The following PISD variants were observed in gnomAD, a reference collection of about 807,000 sequenced individuals.
The protein encoded by PISD is phosphatidylserine decarboxylase, also known as phosphatidylserine decarboxylase proenzyme, mitochondrial.
Under a neutral mutation model 43.5 loss-of-function variants are expected in PISD, and 31 were observed. The observed-to-expected ratio is 0.71, with a 90% CI of 0.54 to 0.96. PISD has a LOEUF of 0.96. Ranked by LOEUF, PISD falls within the 40% of genes least tolerant of loss-of-function variation. The pLI is 0.00. For synonymous variants in PISD, 259 were observed against 228.7 expected (o/e 1.13, Z -1.20); for missense variants, 523 against 548.4 (o/e 0.95, Z 0.46).
At chr22:31,628,446 AATG>A (rs1334020613) in intron 3 of PISD, among the ~76,000 whole-genome samples, 2 of 152,178 alleles carry the variant, frequency 1.3e-5, no homozygotes, top group African/African-American at 2.4e-5. Context: ...GGGTATCCAG[AATG>A]GAGGAAGCAC....
intron 2 of PISD, among the ~76,000 whole-genome samples, chr22:31,648,975 G>C (rs1482233069): frequency 6.6e-6 from 1 of 152,154 alleles, no homozygotes; most frequent in Non-Finnish European, 1.5e-5. Context: ...CTTTGATCTT[G>C]CTTTTATAAT....
intron 3 of PISD, among the ~76,000 whole-genome samples, chr22:31,646,498 C>T (rs2073891542): frequency 6.6e-6 from 1 of 152,172 alleles, no homozygotes; most frequent in Non-Finnish European, 1.5e-5. Flanking sequence ...TAAAAAACTA[C>T]TGGCGTTGGT....
intron 3 of PISD, among the ~76,000 whole-genome samples, chr22:31,633,365 C>G (rs111697884): frequency 0.011 from 1,747 of 152,342 alleles, 27 homozygotes; most frequent in South Asian, 0.043. Flanking sequence ...GGCTGCACTG[C>G]ATCCACTGGC....
At chr22:31,639,060 C>G (rs2073610861) in intron 3 of PISD, among the ~76,000 whole-genome samples, 1 of 150,914 alleles carries the variant, frequency 6.6e-6, no homozygotes, top group South Asian at 2.1e-4. Flanking sequence ...GTGGCATGAT[C>G]TCAGCTCACT....
Position 31,621,371 on chromosome 22 carries a change from G to C in PISD, c.660C>G (p.Gly220=), listed in dbSNP as rs754866362. ...GCAGGTCCTCTGTGCACATACGCGGGCCCAGGAACGACTCCAGGGAGTAGG... is the reference window on the plus strand; with the variant it reads ...GCAGGTCCTCTGTGCACATACGCGGCCCCAGGAACGACTCCAGGGAGTAGG... ...GVTYSLESFL[G]PRMCTEDLPF... is the part of the protein sequence containing the mutation. The change falls in exon 5 of 8, where the codon GGC becomes GGG. Residue 220 remains glycine, a synonymous_variant. Coordinates refer to ENST00000439502, the MANE Select transcript of PISD (RefSeq NM_001326411.2). 3 of 1,613,968 alleles carry C rather than the reference G, an allele frequency of 1.9e-6. No homozygotes were observed. The highest frequency in any genetic ancestry group is 2.5e-6 in the Non-Finnish European group (3 of 1,180,016).
intron 1 of PISD, among the ~76,000 whole-genome samples, chr22:31,655,573 C>G (rs537043719): frequency 6.6e-6 from 1 of 152,240 alleles, no homozygotes; most frequent in African/African-American, 2.4e-5. Context: ...CCCACCTCAG[C>G]CTCCCAAAGT....
At chr22:31,638,426 C>G in intron 3 of PISD, 1 of 979,664 alleles carries the variant, frequency 1.0e-6, no homozygotes, top group Non-Finnish European at 1.2e-6. Context: ...TGTGGAGGGG[C>G]GAGGAAGGGG....
intron 1 of PISD, among the ~76,000 whole-genome samples, chr22:31,657,779 C>T (rs189104146): frequency 5.9e-5 from 9 of 152,288 alleles, no homozygotes; most frequent in Non-Finnish European, 1.3e-4. Flanking sequence ...CCTGGGCCTC[C>T]AAAGTGCTGG....
At chr22:31,637,162 AAAATATATATATATATATATAT>A (rs1160702996) in intron 3 of PISD, among the ~76,000 whole-genome samples, 567 of 15,480 alleles carry the variant, frequency 0.037, 48 homozygotes, top group East Asian at 0.24. Context: ...AAAAAAAAAA[AAAATATATATATATATATATAT>A]ATATATATAT....
rs756778732 is a variant in PISD at position 31,625,827 on chromosome 22, G to A, written c.322-3942C>T. The A allele has an allele frequency of 1.9e-5, 30 of 1,596,104 alleles. No individual in the cohort carries two copies. The South Asian group carries it at 3.4e-4, about 18-fold the overall frequency. ...GACTGACACATCATGGGCCGGCGCAGGGAGGGCGGGGCGAGGCTCACTCGA... is the reference window on the plus strand; with the variant it reads ...GACTGACACATCATGGGCCGGCGCAAGGAGGGCGGGGCGAGGCTCACTCGA... On this transcript the variant is annotated intron_variant, in intron 3 of 7. Transcript: ENST00000439502.
rs1196471596 is a variant in PISD, at chr22:31,630,763, G to A, written c.322-8878C>T. ...GGGCGCCTCCCTGAGAAGTCACCTG[G>A]GGCTCCCGGCAGGGCCGGGGCGCCG... On this transcript the variant is annotated intron_variant, in intron 3 of 7. Coordinates refer to ENST00000439502, the MANE Select transcript of PISD (RefSeq NM_001326411.2). This position sits in a 1 kb window ranked among gnomAD's most constrained non-coding sequence, Gnocchi z 4.4. 3 of 985,480 alleles carry A rather than the reference G, an allele frequency of 3.0e-6. No homozygotes were observed. The highest frequency in any genetic ancestry group is 3.6e-6 in the Non-Finnish European group (3 of 830,084). The allele number at this position is 985,480 out of a possible 1,614,324, so 61.0% of individuals were successfully genotyped here.
At chr22:31,659,480 T>C (rs919339954) in intron 1 of PISD, among the ~76,000 whole-genome samples, 1 of 152,166 alleles carries the variant, frequency 6.6e-6, no homozygotes, top group Non-Finnish European at 1.5e-5. Flanking sequence ...ACTTCCTAGG[T>C]ACTATTGTCC....
intron 3 of PISD, among the ~76,000 whole-genome samples, chr22:31,623,093 T>C (rs920136403): frequency 6.6e-6 from 1 of 152,198 alleles, no homozygotes; most frequent in Non-Finnish European, 1.5e-5. Context: ...ATGACACCCA[T>C]GTGACTGTCA....
At chr22:31,623,373 GAC>G (rs1365284668) in intron 3 of PISD, among the ~76,000 whole-genome samples, 1 of 152,208 alleles carries the variant, frequency 6.6e-6, no homozygotes, top group Non-Finnish European at 1.5e-5. Context: ...AAAAATCAGA[GAC>G]AGACACCATT....
chr22:31,621,202 G>GC, intron 5 of PISD, 60 bp from the exon 6 acceptor site: 1 of 1,612,576 alleles, frequency 6.2e-7, no homozygotes, highest in Non-Finnish European at 8.5e-7. Flanking sequence ...CACGGAGCCC[G>GC]AGTGTGGTCT....
chr22:31,655,033 G>A (rs916550979), intron 1 of PISD, among the ~76,000 whole-genome samples: 2 of 137,732 alleles, frequency 1.5e-5, no homozygotes, highest in South Asian at 2.3e-4. Flanking sequence ...CCGAGATCAC[G>A]CCATTGCACT....
At chr22:31,636,866 C>T (rs1242109500) in intron 3 of PISD, among the ~76,000 whole-genome samples, 36 of 151,798 alleles carry the variant, frequency 2.4e-4, no homozygotes, top group African/African-American at 7.5e-4. Flanking sequence ...TTAGTAGAGA[C>T]GGGGTTTCAC....
chr22:31,630,730 G>T lies in PISD; in HGVS notation c.322-8845C>A. Reference sequence around the variant, plus strand: ...CACCCGGCACTGGCCCTCTGAGCGGGCAGGGTGGGGCGCCTCCCTGAGAAG... The same window carrying T: ...CACCCGGCACTGGCCCTCTGAGCGGTCAGGGTGGGGCGCCTCCCTGAGAAG... On this transcript the variant is annotated intron_variant, in intron 3 of 7. Coordinates refer to ENST00000439502, the MANE Select transcript of PISD (RefSeq NM_001326411.2). This position sits in a 1 kb window ranked among gnomAD's most constrained non-coding sequence, Gnocchi z 4.4. 1 of 985,338 alleles carries T rather than the reference G, an allele frequency of 1.0e-6. No individual in the cohort carries two copies. Among genetic ancestry groups the T allele is most frequent in the Non-Finnish European group, 1.2e-6 (1 of 829,830 alleles). 61.0% of individuals were successfully genotyped at this position (985,338 alleles called of 1,614,324 possible).
intron 3 of PISD, among the ~76,000 whole-genome samples, chr22:31,642,989 C>T (rs1011820103): frequency 6.6e-6 from 1 of 151,192 alleles, no homozygotes; most frequent in African/African-American, 2.4e-5. Flanking sequence ...GTAATCCTAC[C>T]TACTTGGGAG....
Sources: gnomAD v4.1 joint callset for allele counts (sites outside exome capture counted in the v4.1 genomes callset) on GRCh38, gnomAD v4.1.1 for gene constraint, Gnocchi (gnomAD v3.1) non-coding constraint, MANE v1.5 for transcripts, NCBI Gene and HGNC (gene_info 2026-07-23, HGNC 2026-07-21) for gene names.